PHACTR1: variants seen among roughly 807,000 people sequenced by gnomAD.
PHACTR1 encodes phosphatase and actin regulator 1, also known as RPEL repeat containing 1.
A neutral mutation model predicts 69.2 loss-of-function variants in PHACTR1; 16 were observed. The observed-to-expected ratio is 0.23, with a 90% CI of 0.16 to 0.35. The LOEUF is 0.35. Among genes scored for constraint, PHACTR1 ranks in the 10% least tolerant of loss-of-function variants. The pLI, the probability that PHACTR1 is intolerant of heterozygous loss-of-function variation, is 1.00. For synonymous variants in PHACTR1, 312 were observed against 284.5 expected (o/e 1.10, Z -0.97); for missense variants, 510 against 734.7 (o/e 0.69, Z 3.54).
chr6:12,800,457 G>A (rs1304091685), intron 4 of PHACTR1, among the ~76,000 whole-genome samples: 2 of 152,130 alleles, frequency 1.3e-5, no homozygotes, highest in African/African-American at 2.4e-5. Context: ...TTGATTTTAT[G>A]TCTCATTGTA....
At chr6:13,084,705 G>A (rs1009973786) in intron 5 of PHACTR1, among the ~76,000 whole-genome samples, 7 of 151,976 alleles carry the variant, frequency 4.6e-5, no homozygotes, top group African/African-American at 1.7e-4. Context: ...GGAAGAGCCA[G>A]TATCCTACAT....
chr6:12,929,042 G>A (rs1312087805), intron 4 of PHACTR1, among the ~76,000 whole-genome samples: 1 of 152,196 alleles, frequency 6.6e-6, no homozygotes, highest in African/African-American at 2.4e-5. Flanking sequence ...AGAGAACTAT[G>A]CTAAGCAAAG....
rs72835699 is a variant in PHACTR1, at chr6:12,864,396, T to A, written c.250+114606T>A. The stretch of plus-strand genomic sequence containing the variant: ...GAACTCCATGTAATTAAGAGGAAAA[T>A]CAGGTCGGGCGCCCTGGCTCACGCC... On this transcript the variant is annotated intron_variant, in intron 4 of 14. Coordinates refer to ENST00000332995, the MANE Select transcript of PHACTR1 (RefSeq NM_030948.6). 5.2e-3 allele frequency among the ~76,000 whole-genome samples: 792 copies of A among 152,150 alleles called. 2 individuals carry two copies. The highest frequency in any genetic ancestry group is 8.5e-3 in the Non-Finnish European group (575 of 67,994).
At chr6:12,941,612 A>G (rs959447288) in intron 4 of PHACTR1, among the ~76,000 whole-genome samples, 1 of 152,046 alleles carries the variant, frequency 6.6e-6, no homozygotes, top group Non-Finnish European at 1.5e-5. Flanking sequence ...TACCTTCAGT[A>G]AGTAGGAGCC....
At chr6:12,868,750 T>C (rs1781730698) in intron 4 of PHACTR1, among the ~76,000 whole-genome samples, 1 of 151,608 alleles carries the variant, frequency 6.6e-6, no homozygotes, top group Non-Finnish European at 1.5e-5. Flanking sequence ...GTAGCAACAG[T>C]TTATGAAAAC....
rs534160903 is a variant in PHACTR1, at chr6:13,040,372, A to C, written c.251-12993A>C. 7.6e-4 allele frequency among the ~76,000 whole-genome samples: 116 copies of C among 152,358 alleles called. 2 individuals carry two copies. The South Asian group carries it at 0.018, about 23-fold the overall frequency. On this transcript the variant is annotated intron_variant, in intron 4 of 14. Coordinates refer to ENST00000332995, the MANE Select transcript of PHACTR1 (RefSeq NM_030948.6). ...GGAAAGGGAAAAAGGAACAAGCACA[A>C]ATAGAGCTAATTTAGTTAAGATGAG...
chr6:12,788,018 C>T (rs899767901), intron 4 of PHACTR1, among the ~76,000 whole-genome samples: 7 of 152,038 alleles, frequency 4.6e-5, no homozygotes, highest in Admixed American at 6.5e-5. Flanking sequence ...ATCAGCCAGG[C>T]GTTGGAGCAC....
chr6:12,799,391 G>A (rs957943029), intron 4 of PHACTR1, among the ~76,000 whole-genome samples: 2 of 152,026 alleles, frequency 1.3e-5, no homozygotes, highest in Non-Finnish European at 2.9e-5. Flanking sequence ...CAAAGCTAGA[G>A]CCAGTTACTA....
intron 8 of PHACTR1, among the ~76,000 whole-genome samples, chr6:13,219,698 G>C (rs953559935): frequency 6.6e-6 from 1 of 152,166 alleles, no homozygotes; most frequent in South Asian, 2.1e-4. Flanking sequence ...CCATAATAGC[G>C]CTCATCATGG....
intron 4 of PHACTR1, among the ~76,000 whole-genome samples, chr6:12,985,470 T>G (rs1489751696): frequency 1.3e-5 from 2 of 150,996 alleles, no homozygotes; most frequent in Admixed American, 6.6e-5. Flanking sequence ...TATTTAAATG[T>G]GGCTACTGTT....
At chr6:12,936,587 C>A (rs1343645357) in intron 4 of PHACTR1, among the ~76,000 whole-genome samples, 2 of 152,162 alleles carry the variant, frequency 1.3e-5, no homozygotes, top group Non-Finnish European at 2.9e-5. Flanking sequence ...GATGGCAATA[C>A]AATTTTAGAT....
intron 4 of PHACTR1, among the ~76,000 whole-genome samples, chr6:12,798,069 C>CACACACACACACAA (rs1561892342): frequency 6.7e-6 from 1 of 149,482 alleles, no homozygotes; most frequent in African/African-American, 2.4e-5. Flanking sequence ...CACACACACA[C>CACACACACACACAA]CCCTACATAA....
intron 10 of PHACTR1, among the ~76,000 whole-genome samples, chr6:13,255,993 C>A (rs777822567): frequency 4.6e-5 from 7 of 152,248 alleles, no homozygotes; most frequent in Non-Finnish European, 1.0e-4. Context: ...CTCTGCGCTG[C>A]CTTAGCAGAG....
At chr6:12,926,154 T>C (rs192620085) in intron 4 of PHACTR1, among the ~76,000 whole-genome samples, 83 of 152,314 alleles carry the variant, frequency 5.4e-4, no homozygotes, top group Non-Finnish European at 2.9e-5. Context: ...TAGAACTCTG[T>C]GCAGCTAATG....
At chr6:12,819,294 T>G (rs747496035) in intron 4 of PHACTR1, among the ~76,000 whole-genome samples, 7 of 152,198 alleles carry the variant, frequency 4.6e-5, no homozygotes, top group African/African-American at 1.7e-4. Context: ...GCAATTACAA[T>G]GTATTGCTTT....
chr6:13,170,899 C>A (rs1173121155), intron 6 of PHACTR1, among the ~76,000 whole-genome samples: 2 of 152,182 alleles, frequency 1.3e-5, no homozygotes, highest in Non-Finnish European at 2.9e-5. Flanking sequence ...CTGTTACCAA[C>A]CGGGTGATCC....
intron 5 of PHACTR1, among the ~76,000 whole-genome samples, chr6:13,133,985 C>G (rs879024586): frequency 1.3e-5 from 2 of 151,804 alleles, no homozygotes; most frequent in Middle Eastern, 3.4e-3. Flanking sequence ...TGCCCGGCCG[C>G]GACTCCGTCT....
intron 4 of PHACTR1, among the ~76,000 whole-genome samples, chr6:12,881,337 T>C (rs1448661084): frequency 6.6e-6 from 1 of 152,146 alleles, no homozygotes; most frequent in Non-Finnish European, 1.5e-5. Context: ...AGTGAGCTGA[T>C]TTTTGTGGAA....
intron 8 of PHACTR1, among the ~76,000 whole-genome samples, chr6:13,208,631 A>C (rs1781696): frequency 0.73 from 99,739 of 136,586 alleles, 34,305 homozygotes; most frequent in East Asian, 0.86. Flanking sequence ...ATTGCTGCCC[A>C]CCCCCCCAAC....
Sources: allele counts gnomAD v4.1 joint callset (sites outside exome capture counted in the v4.1 genomes callset), GRCh38; gene constraint gnomAD v4.1.1; transcripts MANE v1.5; gene names NCBI Gene and HGNC (gene_info 2026-07-23, HGNC 2026-07-21).